Variants in ATRX observed in about 807,000 individuals in gnomAD.
ATRX encodes ATRX chromatin remodeler.
Under a neutral mutation model 172.6 loss-of-function variants are expected in ATRX, and 12 were observed. The observed-to-expected ratio is 0.07, with a 90% CI of 0.04 to 0.11. ATRX has a LOEUF of 0.11. Among genes scored for constraint, ATRX ranks in the 10% least tolerant of loss-of-function variants. ATRX has a pLI of 1.00. For synonymous variants in ATRX, 674 were observed against 594.7 expected (o/e 1.13, Z -1.94); for missense variants, 1,368 against 1,767.4 (o/e 0.77, Z 4.05).
chrX:77,528,626 A>C (rs1478024953), intron 30 of ATRX, among the ~76,000 whole-genome samples: 1 of 111,343 alleles, frequency 9.0e-6, no homozygotes, highest in African/African-American at 3.3e-5. Context: ...ACAACAACAA[A>C]AAAAGGCCCC....
chrX:77,760,867 ATATT>A (rs1253373426), intron 1 of ATRX, among the ~76,000 whole-genome samples: 3 of 112,194 alleles, frequency 2.7e-5, no homozygotes, highest in East Asian at 2.8e-4. Context: ...TGCTACAGAA[ATATT>A]TAGTGTGTAA....
In ATRX at chrX:77,551,185, G is replaced by A. The variant is rs191786635; in HGVS notation, c.6699+6266C>T. On this transcript the variant is annotated intron_variant, in intron 30 of 34. Transcript: ENST00000373344. ...CAATCCTAAGCCAAAAGAACAAAGC[G>A]GGAGGCATCACGCTACCTGACTTCA... 3.0e-3 allele frequency among the ~76,000 whole-genome samples: 334 copies of A among 110,836 alleles called. 1 individual carries two copies. The highest frequency in any genetic ancestry group is 0.011 in the African/African-American group (328 of 30,531).
rs189424530 is a variant in ATRX at position 77,733,039 on chromosome X, C to T, written c.21-15796G>A. ...AGACTCTACAAAAAAACTATTAGAA[C>T]GGATAAACAAATTCAGTAAACTGTC... On this transcript the variant is annotated intron_variant, in intron 1 of 34. Transcript: ENST00000373344. Among the ~76,000 whole-genome samples, 8 of 111,996 alleles carry T rather than the reference C, an allele frequency of 7.1e-5. No homozygotes were observed. The East Asian group carries it at 2.0e-3, about 28-fold the overall frequency.
intron 1 of ATRX, among the ~76,000 whole-genome samples, chrX:77,730,630 T>A (rs868930887): frequency 4.6e-4 from 52 of 112,062 alleles, no homozygotes; most frequent in African/African-American, 1.6e-3. Flanking sequence ...TGAAATAATA[T>A]CAAGCATCTC....
chrX:77,664,836 A>G, intron 10 of ATRX, 58 bp from the exon 11 acceptor site: 1 of 1,048,227 alleles, frequency 9.5e-7, no homozygotes, highest in Non-Finnish European at 1.3e-6. Flanking sequence ...AATACACCAA[A>G]TTAAAAATAA....
At chrX:77,740,192 A>G (rs1220409948) in intron 1 of ATRX, among the ~76,000 whole-genome samples, 2 of 110,152 alleles carry the variant, frequency 1.8e-5, no homozygotes, top group Admixed American at 2.0e-4. Flanking sequence ...AAAATCAGTA[A>G]TTTATCTTAG....
intron 1 of ATRX, among the ~76,000 whole-genome samples, chrX:77,738,556 GTCTTTTTTTTTTTTTTTTT>G (rs1397310444): frequency 5.3e-4 from 47 of 89,110 alleles, no homozygotes; most frequent in Non-Finnish European, 4.8e-4. Flanking sequence ...TCTCTTTTGT[GTCTTTTTTTTTTTTTTTTT>G]TTTTTGGAGA....
intron 20 of ATRX, 70 bp from the exon 21 acceptor site, chrX:77,619,051 G>A (rs2148261621): frequency 1.3e-6 from 1 of 775,192 alleles, no homozygotes; most frequent in Non-Finnish European, 1.9e-6. Context: ...ATTCCCCAAT[G>A]AAATGCTCAT....
intron 19 of ATRX, among the ~76,000 whole-genome samples, chrX:77,627,007 C>T (rs1335532935): frequency 9.0e-6 from 1 of 111,015 alleles, no homozygotes; most frequent in Non-Finnish European, 1.9e-5. Flanking sequence ...GGGCGGATCA[C>T]GAGGTCAGGA....
chrX:77,766,429 C>T (rs1354243026), intron 1 of ATRX, among the ~76,000 whole-genome samples: 3 of 106,748 alleles, frequency 2.8e-5, no homozygotes, highest in African/African-American at 6.9e-5. Flanking sequence ...TCAGACGGGG[C>T]GGCTGCCAGG....
intron 18 of ATRX, 62 bp downstream of exon 18, chrX:77,633,504 T>A (rs2068206272): frequency 2.2e-5 from 25 of 1,121,077 alleles, no homozygotes; most frequent in Non-Finnish European, 2.8e-5. Flanking sequence ...AAATTAAAAA[T>A]AGTTTACTAT....
At chrX:77,528,983 A>G (rs1557045201) in intron 30 of ATRX, among the ~76,000 whole-genome samples, 1 of 112,489 alleles carries the variant, frequency 8.9e-6, no homozygotes, top group East Asian at 2.8e-4. Flanking sequence ...AACCTGATGG[A>G]GCTGAAAAAC....
intron 30 of ATRX, among the ~76,000 whole-genome samples, chrX:77,540,559 A>T (rs2063936230): frequency 8.9e-6 from 1 of 111,987 alleles, no homozygotes; most frequent in African/African-American, 3.2e-5. Flanking sequence ...TGACCACATA[A>T]TTGGAAGTAA....
At chrX:77,772,171 G>A (rs2076173543) in intron 1 of ATRX, among the ~76,000 whole-genome samples, 1 of 109,095 alleles carries the variant, frequency 9.2e-6, no homozygotes, top group Admixed American at 9.9e-5. Context: ...GGTGGCATAC[G>A]CCTGTAGTCC....
chrX:77,637,874 A>C lies in ATRX; in HGVS notation c.4558-1818T>G, dbSNP rs781949747. On this transcript the variant is annotated intron_variant, in intron 15 of 34. Coordinates refer to ENST00000373344, the MANE Select transcript of ATRX (RefSeq NM_000489.6). ...GAGAATGGATTGAACCTGGCAGCGGAGGTTGCAATGAGCCGAGATCGTGCC... is the reference window on the plus strand; with the variant it reads ...GAGAATGGATTGAACCTGGCAGCGGCGGTTGCAATGAGCCGAGATCGTGCC... 4.2e-4 allele frequency among the ~76,000 whole-genome samples: 38 copies of C among 89,608 alleles called. No individual in the cohort carries two copies. The Admixed American group carries it at 4.9e-3, about 12-fold the overall frequency. 77.8% of individuals were successfully genotyped at this position (89,608 alleles called of 115,157 possible). A position where few individuals can be genotyped will look rare whatever the true frequency, so the allele number is the denominator to read the frequency against.
At chrX:77,520,951 T>G (rs782169392) in intron 33 of ATRX, 35 bp from the exon 34 acceptor site, 5 of 1,155,183 alleles carry the variant, frequency 4.3e-6, no homozygotes, top group Non-Finnish European at 5.9e-6. Context: ...TCCTTATTAC[T>G]GTACAATTGA....
rs782426700 is a variant in ATRX, at chrX:77,544,087, C to T, written c.6699+13364G>A. On this transcript the variant is annotated intron_variant, in intron 30 of 34. Coordinates refer to ENST00000373344, the MANE Select transcript of ATRX (RefSeq NM_000489.6). ...TTATATAAGAAATGTCTTACTATTT[C>T]AAAGATGTATTATATACTGAAGTAT... 5.4e-5 allele frequency among the ~76,000 whole-genome samples: 6 copies of T among 110,192 alleles called. No individual in the cohort carries two copies. In the East Asian group the frequency reaches 1.4e-3, roughly 26 times the overall value.
chrX:77,556,852 G>C (rs1204584548), intron 30 of ATRX, among the ~76,000 whole-genome samples: 1 of 111,935 alleles, frequency 8.9e-6, no homozygotes, highest in African/African-American at 3.2e-5. Flanking sequence ...TTTTGAGTTG[G>C]TCAGATATGA....
intron 15 of ATRX, among the ~76,000 whole-genome samples, chrX:77,650,891 A>G (rs1333864193): frequency 8.9e-6 from 1 of 111,994 alleles, no homozygotes; most frequent in Non-Finnish European, 1.9e-5. Context: ...CCAGGCCCAT[A>G]CCAACTATTT....
Sources: allele counts gnomAD v4.1 joint callset (sites outside exome capture counted in the v4.1 genomes callset), GRCh38; gene constraint gnomAD v4.1.1; transcripts MANE v1.5; gene names NCBI Gene and HGNC (gene_info 2026-07-23, HGNC 2026-07-21).